Variants in NRG1 observed in about 807,000 individuals in gnomAD.
NRG1 encodes neuregulin 1, also known as pro-neuregulin-1, membrane-bound isoform.
NRG1 carries 18 observed loss-of-function variants against 63.8 expected under a neutral mutation model. The observed-to-expected ratio is 0.28, with a 90% CI of 0.19 to 0.42. The LOEUF (loss-of-function observed/expected upper bound fraction) is 0.42. NRG1 is among the 10% of genes least tolerant of loss of function. NRG1 has a pLI of 1.00. For synonymous variants in NRG1, 302 were observed against 301.3 expected (o/e 1.00, Z -0.02); for missense variants, 762 against 814.7 (o/e 0.94, Z 0.79).
intron 1 of NRG1, among the ~76,000 whole-genome samples, chr8:31,814,332 G>C (rs181014435): frequency 6.6e-6 from 1 of 152,144 alleles, no homozygotes; most frequent in Non-Finnish European, 1.5e-5. Context: ...CTCCAGCCCC[G>C]GTTCCTTTTC....
At chr8:31,666,497 TC>T (rs1430100641) in intron 1 of NRG1, among the ~76,000 whole-genome samples, 6 of 152,296 alleles carry the variant, frequency 3.9e-5, no homozygotes, top group African/African-American at 1.4e-4. Context: ...ATGATCATCT[TC>T]AAAATGCTCA....
At chr8:32,270,174 C>T (rs1851398071) in intron 1 of NRG1, among the ~76,000 whole-genome samples, 1 of 152,102 alleles carries the variant, frequency 6.6e-6, no homozygotes, top group African/African-American at 2.4e-5. Context: ...AATAGGAATG[C>T]CCAGTACATT....
At chr8:32,439,018 CA>C (rs1819155727) in intron 1 of NRG1, among the ~76,000 whole-genome samples, 1 of 151,974 alleles carries the variant, frequency 6.6e-6, no homozygotes, top group African/African-American at 2.4e-5. Context: ...TTCCACAAGG[CA>C]AGAGCTTTTA....
intron 1 of NRG1, among the ~76,000 whole-genome samples, chr8:32,029,120 T>G (rs1328973394): frequency 6.6e-6 from 1 of 152,184 alleles, no homozygotes; most frequent in Non-Finnish European, 1.5e-5. Context: ...GCTTTCAAAT[T>G]TGATTAAAGA....
intron 5 of NRG1, among the ~76,000 whole-genome samples, chr8:32,644,720 T>C (rs1416583523): frequency 6.6e-6 from 1 of 152,140 alleles, no homozygotes; most frequent in Non-Finnish European, 1.5e-5. Context: ...TGATGTGTTG[T>C]CCTAGTCTTT....
At chr8:31,847,013 A>T (rs1826752447) in intron 1 of NRG1, among the ~76,000 whole-genome samples, 1 of 152,174 alleles carries the variant, frequency 6.6e-6, no homozygotes, top group South Asian at 2.1e-4. Flanking sequence ...TTATTCTCCT[A>T]TGTGATTCCT....
intron 1 of NRG1, among the ~76,000 whole-genome samples, chr8:32,213,296 G>A (rs1393618229): frequency 6.6e-6 from 1 of 152,192 alleles, no homozygotes; most frequent in African/African-American, 2.4e-5. Flanking sequence ...AAAGGAAGAA[G>A]ATCATATCCT....
intron 11 of NRG1, chr8:32,763,176 C>G: frequency 6.3e-7 from 1 of 1,595,784 alleles, no homozygotes; most frequent in Admixed American, 1.7e-5. Flanking sequence ...ACACTGTTGT[C>G]AGGAATAAAT....
intron 1 of NRG1, among the ~76,000 whole-genome samples, chr8:31,959,941 G>A (rs1028579361): frequency 2.6e-5 from 4 of 151,848 alleles, no homozygotes; most frequent in African/African-American, 9.7e-5. Flanking sequence ...CCACAGGCAC[G>A]GATGCAGAGT....
chr8:32,078,146 G>A (rs1478352621), intron 1 of NRG1, among the ~76,000 whole-genome samples: 2 of 152,168 alleles, frequency 1.3e-5, no homozygotes, highest in African/African-American at 4.8e-5. Flanking sequence ...GTTGAAATGC[G>A]ACCTCCTCAT....
chr8:32,116,378 G>A (rs560267274), intron 1 of NRG1, among the ~76,000 whole-genome samples: 15 of 152,022 alleles, frequency 9.9e-5, no homozygotes, highest in Non-Finnish European at 2.1e-4. Context: ...GGAAGGAGAG[G>A]GGCTACAGCA....
At chr8:32,106,076 G>GA (rs1831219924) in intron 1 of NRG1, among the ~76,000 whole-genome samples, 1 of 152,144 alleles carries the variant, frequency 6.6e-6, no homozygotes, top group African/African-American at 2.4e-5. Context: ...AGTTGAGAAG[G>GA]AAAAAGTACA....
chr8:32,590,995 C>T (rs1842429068), intron 1 of NRG1, among the ~76,000 whole-genome samples: 2 of 152,192 alleles, frequency 1.3e-5, no homozygotes, highest in African/African-American at 4.8e-5. Flanking sequence ...AATTTGAGCT[C>T]TGCCCTGAGT....
intron 1 of NRG1, among the ~76,000 whole-genome samples, chr8:32,071,764 C>G (rs1171544792): frequency 2.0e-5 from 3 of 152,104 alleles, no homozygotes; most frequent in Non-Finnish European, 4.4e-5. Flanking sequence ...GAGCCCAGAC[C>G]TTGGAGTCAA....
intron 1 of NRG1, among the ~76,000 whole-genome samples, chr8:31,813,611 T>A (rs1049392064): frequency 6.7e-6 from 1 of 149,280 alleles, no homozygotes; most frequent in African/African-American, 2.5e-5. Context: ...AATCTCAACC[T>A]CCTGGGATCA....
chr8:31,804,833 C>T (rs1427716160), intron 1 of NRG1, among the ~76,000 whole-genome samples: 3 of 152,136 alleles, frequency 2.0e-5, no homozygotes, highest in Non-Finnish European at 4.4e-5. Context: ...CATAGCAACA[C>T]CTTGATTAGT....
chr8:31,721,735 T>C (rs772196768), intron 1 of NRG1, among the ~76,000 whole-genome samples: 2 of 152,190 alleles, frequency 1.3e-5, no homozygotes, highest in Non-Finnish European at 2.9e-5. Context: ...GTGGGGTGTG[T>C]GTGAAACGCA....
At chr8:32,043,548 T>C (rs1177931162) in intron 1 of NRG1, among the ~76,000 whole-genome samples, 1 of 151,988 alleles carries the variant, frequency 6.6e-6, no homozygotes, top group Non-Finnish European at 1.5e-5. Context: ...GTACATATCA[T>C]CCTTTTCTTG....
chr8:32,028,215 C>A (rs1376917833), intron 1 of NRG1, among the ~76,000 whole-genome samples: 1 of 152,106 alleles, frequency 6.6e-6, no homozygotes, highest in Non-Finnish European at 1.5e-5. Context: ...TGTGTCCATA[C>A]CGTTTTTTTG....
Sources: allele counts gnomAD v4.1 joint callset (sites outside exome capture counted in the v4.1 genomes callset), GRCh38; gene constraint gnomAD v4.1.1; transcripts MANE v1.5; gene names NCBI Gene and HGNC (gene_info 2026-07-23, HGNC 2026-07-21).